Variants in NHS observed in about 807,000 individuals in gnomAD.
The protein encoded by NHS is NHS actin remodeling regulator, also known as actin remodeling regulator NHS.
NHS carries 5 observed loss-of-function variants against 72.5 expected under a neutral mutation model. The ratio of observed to expected loss-of-function variants is 0.07; its 90% CI spans 0.04 to 0.14. The LOEUF is 0.14. Among genes scored for constraint, NHS ranks in the 10% least tolerant of loss-of-function variants. The pLI is 1.00. For synonymous variants in NHS, 464 were observed against 547.7 expected (o/e 0.85, Z 2.13); for missense variants, 1,072 against 1,355.7 (o/e 0.79, Z 3.29).
At chrX:17,634,287 G>A (rs1442159723) in intron 1 of NHS, among the ~76,000 whole-genome samples, 1 of 112,297 alleles carries the variant, frequency 8.9e-6, no homozygotes, top group Non-Finnish European at 1.9e-5. Context: ...TTCTTGCTGC[G>A]CATGATTAAG....
chrX:17,458,534 C>T (rs1423055060), intron 1 of NHS, among the ~76,000 whole-genome samples: 3 of 110,413 alleles, frequency 2.7e-5, no homozygotes, highest in Non-Finnish European at 5.7e-5. Context: ...ACTCTGTTGC[C>T]CAGTTTGGAG....
intron 1 of NHS, among the ~76,000 whole-genome samples, chrX:17,675,727 C>T (rs370915962): frequency 1.8e-5 from 2 of 112,404 alleles, no homozygotes; most frequent in South Asian, 3.7e-4. Flanking sequence ...GTATTTGCCA[C>T]TCATCTAGCT....
chrX:17,514,346 G>T (rs1339665917), intron 1 of NHS, among the ~76,000 whole-genome samples: 1 of 112,408 alleles, frequency 8.9e-6, no homozygotes, highest in Non-Finnish European at 1.9e-5. Context: ...AGAAGAATGT[G>T]GAAGGACTTG....
In NHS at chrX:17,734,047, C is replaced by A. The variant is rs1180766462; in HGVS notation, c.*1583C>A. 8.9e-6 allele frequency: 1 copy of A among 112,172 alleles called. No homozygotes were observed. The highest frequency in any genetic ancestry group is 3.3e-5 in the African/African-American group (1 of 30,765). 9.2% of individuals were successfully genotyped at this position (112,172 alleles called of 1,213,427 possible). ...AATCTTATGTCAGAAATATAAGCAG[C>A]TATGTACTTAGAATAGGTTTTGAAT... On this transcript the variant is annotated 3_prime_UTR_variant, in exon 9 of 9. Transcript: ENST00000676302.
At chrX:17,467,698 C>T (rs1297819762) in intron 1 of NHS, among the ~76,000 whole-genome samples, 2 of 111,726 alleles carry the variant, frequency 1.8e-5, no homozygotes, top group Non-Finnish European at 3.8e-5. Context: ...ATTAGATTGC[C>T]TAGATTTTAA....
chrX:17,611,113 A>G (rs1175556080), intron 1 of NHS, among the ~76,000 whole-genome samples: 2 of 112,650 alleles, frequency 1.8e-5, no homozygotes, highest in Non-Finnish European at 3.7e-5. Flanking sequence ...GTTATCATGA[A>G]ACAAATAGGC....
chrX:17,498,564 G>C (rs947191659), intron 1 of NHS, among the ~76,000 whole-genome samples: 4 of 111,739 alleles, frequency 3.6e-5, no homozygotes, highest in Non-Finnish European at 7.5e-5. Context: ...GTGATGTGGT[G>C]CTTATCTGTG....
chrX:17,526,812 A>G (rs765682732), intron 1 of NHS, among the ~76,000 whole-genome samples: 3 of 112,327 alleles, frequency 2.7e-5, no homozygotes, highest in Non-Finnish European at 3.7e-5. Context: ...AATCTATTTC[A>G]AGTGCTTTGA....
chrX:17,403,001 G>T (rs919762239), intron 1 of NHS, among the ~76,000 whole-genome samples: 1 of 112,091 alleles, frequency 8.9e-6, no homozygotes, highest in African/African-American at 3.2e-5. Flanking sequence ...TCATACAGTT[G>T]TCTGATCTTG....
At chrX:17,424,934 T>C (rs777388412) in intron 1 of NHS, among the ~76,000 whole-genome samples, 1 of 111,449 alleles carries the variant, frequency 9.0e-6, no homozygotes, top group South Asian at 3.8e-4. Context: ...TTATCAGATG[T>C]TGGGGTGGTG....
At position 17,673,248 on chromosome X, in the gene NHS, G is replaced by A. The variant is rs183140758; in HGVS notation, c.566-14494G>A. 2.5e-3 allele frequency among the ~76,000 whole-genome samples: 261 copies of A among 102,958 alleles called. 1 individual carries two copies. The highest frequency in any genetic ancestry group is 9.9e-3 in the Middle Eastern group (2 of 203). The allele number at this position is 102,958 out of a possible 115,157, so 89.4% of individuals were successfully genotyped here. ...CACACACACACACACAAGAAAGCTC[G>A]TCTGAGCCAGGGACTAAGACACTTC... On this transcript the variant is annotated intron_variant, in intron 1 of 8. Coordinates refer to ENST00000676302, the MANE Select transcript of NHS (RefSeq NM_001291867.2).
chrX:17,649,531 T>A (rs1440601927), intron 1 of NHS, among the ~76,000 whole-genome samples: 1 of 111,516 alleles, frequency 9.0e-6, no homozygotes, highest in African/African-American at 3.3e-5. Context: ...CCATTTTGGC[T>A]AAATCATCAT....
chrX:17,635,601 G>A (rs1306907443), intron 1 of NHS: 1 of 1,165,963 alleles, frequency 8.6e-7, no homozygotes, highest in Non-Finnish European at 1.1e-6. Context: ...AAGAATGCAG[G>A]TATTTGGGGT....
chrX:17,727,908 G>A lies in NHS; in HGVS notation c.3802G>A (p.Ala1268Thr), dbSNP rs757778031. 46 of 1,211,889 alleles carry A rather than the reference G, an allele frequency of 3.8e-5. No homozygotes were observed. Among genetic ancestry groups the A allele is most frequent in the Non-Finnish European group, 4.9e-5 (44 of 895,616 alleles). The change falls in exon 7 of 9, where the codon GCT becomes ACT. Residue 1268 changes from alanine (A) to threonine (T), a missense_variant. Ala to Thr is a moderately conservative substitution (Grantham distance 58). Transcript: ENST00000676302. The part of the protein sequence containing the change: ...IPENTPTKNC[A>T]FPTEGFQRVS... ...AGAAAACACGCCAACCAAAAACTGTGCTTTTCCCACAGAAGGATTTCAGAG... is the reference window on the plus strand; with the variant it reads ...AGAAAACACGCCAACCAAAAACTGTACTTTTCCCACAGAAGGATTTCAGAG...
chrX:17,405,993 C>T (rs1247576031), intron 1 of NHS, among the ~76,000 whole-genome samples: 2 of 112,265 alleles, frequency 1.8e-5, no homozygotes, highest in Non-Finnish European at 3.8e-5. Context: ...AGCAAGAGAA[C>T]CACGTTGTGA....
rs769379157 is a variant in NHS, at chrX:17,481,926, T to A, written c.565+105604T>A. On this transcript the variant is annotated intron_variant, in intron 1 of 8. Coordinates refer to ENST00000676302, the MANE Select transcript of NHS (RefSeq NM_001291867.2). ...TCTTAGCCAAAAGGTCAAGAAGCAA[T>A]CAAAATGCACTTTTGATATTATGTC... is the stretch of plus-strand genomic sequence containing the variant. Among the ~76,000 whole-genome samples the A allele has an allele frequency of 2.6e-4, 29 of 112,165 alleles. 1 individual carries two copies. In the Admixed American group the frequency reaches 2.6e-3, roughly 10 times the overall value.
intron 1 of NHS, among the ~76,000 whole-genome samples, chrX:17,543,010 T>C (rs1191716418): frequency 8.9e-6 from 1 of 112,275 alleles, no homozygotes; most frequent in Non-Finnish European, 1.9e-5. Flanking sequence ...TGTCCTCATA[T>C]ATGTTTTATC....
intron 1 of NHS, among the ~76,000 whole-genome samples, chrX:17,486,954 C>T (rs1162397647): frequency 9.0e-6 from 1 of 111,269 alleles, no homozygotes; most frequent in East Asian, 2.8e-4. Context: ...AACTGAGGCA[C>T]AGAATGACTG....
intron 1 of NHS, chrX:17,687,393 C>G (rs932570337): frequency 7.9e-6 from 2 of 254,106 alleles, no homozygotes; most frequent in Non-Finnish European, 1.4e-5. Flanking sequence ...TTTTCAGAAA[C>G]AGGACCCCCA....
Sources: gnomAD v4.1 joint callset for allele counts (sites outside exome capture counted in the v4.1 genomes callset) on GRCh38, gnomAD v4.1.1 for gene constraint, MANE v1.5 for transcripts, NCBI Gene and HGNC (gene_info 2026-07-23, HGNC 2026-07-21) for gene names.